KCNH2: variants seen among roughly 807,000 people sequenced by gnomAD.
KCNH2 encodes potassium voltage-gated channel subfamily H member 2.
In KCNH2, 35 loss-of-function variants were observed where a neutral mutation model predicts 95.9. The observed-to-expected ratio is 0.37, with a 90% CI of 0.28 to 0.48. KCNH2 has a LOEUF of 0.48. KCNH2 is among the 20% of genes least tolerant of loss of function. The pLI, the probability that KCNH2 is intolerant of heterozygous loss-of-function variation, is 0.99. For missense variants in KCNH2, 1,274 were observed against 1,702.9 expected (o/e 0.75, Z 4.43); for synonymous variants, 786 against 754.7 (o/e 1.04, Z -0.68).
intron 2 of KCNH2, among the ~76,000 whole-genome samples, chr7:150,972,189 G>A (rs1801857728): frequency 6.6e-6 from 1 of 152,232 alleles, no homozygotes; most frequent in Non-Finnish European, 1.5e-5. Context: ...ACTGCGCAGA[G>A]CAAGGCTAGA....
chr7:150,977,349 C>A (rs1802002688), intron 1 of KCNH2, among the ~76,000 whole-genome samples: 1 of 152,212 alleles, frequency 6.6e-6, no homozygotes, highest in Non-Finnish European at 1.5e-5. Flanking sequence ...ACACGGCACA[C>A]ACAAGAAGAG....
At chr7:150,948,743 G>T in intron 10 of KCNH2, 113 bp downstream of exon 10, 1 of 1,157,828 alleles carries the variant, frequency 8.6e-7, no homozygotes, top group Non-Finnish European at 1.3e-6. Context: ...GATACCATTT[G>T]ACAGACAGGG....
chr7:150,947,499 A>G lies in KCNH2; in HGVS notation c.2981T>C (p.Val994Ala). Residue 994 changes from valine (V) to alanine (A), a missense_variant, in exon 13 of 15, where the codon GTG becomes GCG. Physicochemically the swap from Val to Ala is moderately conservative, Grantham distance 64. Transcript: ENST00000262186. ...CCCCCAGAAGCTGAAAATGTTGGAC[A>G]CTCCTGAGAAGGCGCCTGCAGCCAG... ...CNPLSGAFSG[V>A]SNIFSFWGDS... is the part of the protein sequence containing the mutation. The G allele has an allele frequency of 6.3e-7, 1 of 1,588,806 alleles. No individual in the cohort carries two copies. Among genetic ancestry groups the G allele is most frequent in the Non-Finnish European group, 8.6e-7 (1 of 1,168,680 alleles).
chr7:150,977,970 A>G lies in KCNH2; in HGVS notation c.-57T>C, dbSNP rs1802021325. On this transcript the variant is annotated 5_prime_UTR_variant, in exon 1 of 15. Transcript: ENST00000262186. ...CACCCACCCCGGCCCGGCCCGGCCC[A>G]GCACTAGGCTTCGGGTGGCCCGGCC... 21 of 1,068,488 alleles carry G rather than the reference A, an allele frequency of 2.0e-5. No individual in the cohort carries two copies. The South Asian group carries it at 3.3e-4, about 17-fold the overall frequency. 66.2% of individuals were successfully genotyped at this position (1,068,488 alleles called of 1,614,324 possible).
chr7:150,949,712 C>A, intron 9 of KCNH2: 1 of 1,177,160 alleles, frequency 8.5e-7, no homozygotes. Flanking sequence ...CACCAACCCA[C>A]CCACTGTGCA....
chr7:150,976,739 C>T (rs994690628), intron 1 of KCNH2, among the ~76,000 whole-genome samples: 1 of 151,304 alleles, frequency 6.6e-6, no homozygotes, highest in African/African-American at 2.4e-5. Flanking sequence ...CACCCCCCCC[C>T]ACATCCATCC....
rs527911312 is a variant in KCNH2, at chr7:150,952,674, C to T, written c.1308G>A (p.Thr436=). The change falls in exon 6 of 15, where the codon ACG becomes ACA. Residue 436 remains threonine (T), a synonymous_variant. Coordinates refer to ENST00000262186, the MANE Select transcript of KCNH2 (RefSeq NM_000238.4). The surrounding 1 kb of genome is among the most constrained non-coding windows in gnomAD (Gnocchi z 7.3). The part of the protein sequence containing the change: ...PYSAAFLLKE[T]EEGPPATECG... ...ACTCGGTAGCAGGCGGGCCTTCTTC[C>T]GTCTCCTTCAGCAGGAAGGCAGCCG... 6.8e-6 allele frequency: 11 copies of T among 1,614,168 alleles called. No homozygotes were observed. The highest frequency in any genetic ancestry group is 5.3e-5 in the African/African-American group (4 of 75,030).
At chr7:150,955,864 A>G in intron 5 of KCNH2, 1 of 767,134 alleles carries the variant, frequency 1.3e-6, no homozygotes. Flanking sequence ...CCACCCCGCC[A>G]CACTAGGCTC....
intron 9 of KCNH2, chr7:150,949,920 T>C: frequency 6.7e-7 from 1 of 1,503,270 alleles, no homozygotes; most frequent in Non-Finnish European, 9.0e-7. Context: ...AAGCAAAAAG[T>C]GTCTGTTTGT....
At chr7:150,949,569 A>G (rs1801054352) in intron 9 of KCNH2, 1 of 1,026,674 alleles carries the variant, frequency 9.7e-7, no homozygotes. Context: ...TTGTGTTTGT[A>G]CAGAGCTGAG....
Position 150,961,899 on chromosome 7 carries a change from G to A in KCNH2, c.308-2163C>T, listed in dbSNP as rs922988264. On this transcript the variant is annotated intron_variant, in intron 2 of 14. Coordinates refer to ENST00000262186, the MANE Select transcript of KCNH2 (RefSeq NM_000238.4). This position sits in a 1 kb window ranked among gnomAD's most constrained non-coding sequence, Gnocchi z 6.2. The stretch of plus-strand genomic sequence containing the variant: ...CCGCTGGGGATTCATCTAGGGGAAC[G>A]AGGTCTTCTGAAACCAGCTTAAACA... Among the ~76,000 whole-genome samples, 16 of 152,182 alleles carry A rather than the reference G, an allele frequency of 1.1e-4. No homozygotes were observed. Among genetic ancestry groups the A allele is most frequent in the Non-Finnish European group, 2.9e-5 (2 of 68,036 alleles).
At chr7:150,953,261 G>A (rs1228222153) in intron 5 of KCNH2, among the ~76,000 whole-genome samples, 2 of 152,170 alleles carry the variant, frequency 1.3e-5, no homozygotes, top group Non-Finnish European at 2.9e-5. Flanking sequence ...CTCCCAACCT[G>A]GGCAGTGGCC....
At chr7:150,968,885 T>G (rs1231922926) in intron 2 of KCNH2, among the ~76,000 whole-genome samples, 1 of 152,118 alleles carries the variant, frequency 6.6e-6, no homozygotes, top group Admixed American at 6.5e-5. Flanking sequence ...CTGCAGCCAC[T>G]TAGGTGACGC....
chr7:150,945,900 C>T lies in KCNH2; in HGVS notation c.3331-386G>A, dbSNP rs901238174. On this transcript the variant is annotated intron_variant, in intron 14 of 14. Transcript: ENST00000262186. This position sits in a 1 kb window ranked among gnomAD's most constrained non-coding sequence, Gnocchi z 5.6. ...CAGAAAAAGAGACAAGATTCCTTCCCGCAATCCAGAAAGAACTCGGGGACC... is the reference window on the plus strand; with the variant it reads ...CAGAAAAAGAGACAAGATTCCTTCCTGCAATCCAGAAAGAACTCGGGGACC... Among the ~76,000 whole-genome samples the T allele has an allele frequency of 4.6e-5, 7 of 152,166 alleles. No individual in the cohort carries two copies. Among genetic ancestry groups the T allele is most frequent in the East Asian group, 1.9e-4 (1 of 5,190 alleles).
In KCNH2 at chr7:150,977,826, T is replaced by G; in HGVS notation, c.76+12A>C. ...AGAGCCCCCTCCCCGCTCAGCCCCCTCCCCCACTCACTCTGGCCCTCAAAC... is the reference window on the plus strand; with the variant it reads ...AGAGCCCCCTCCCCGCTCAGCCCCCGCCCCCACTCACTCTGGCCCTCAAAC... On this transcript the variant is annotated intron_variant, in intron 1 of 14. Transcript: ENST00000262186. 2.8e-5 allele frequency: 9 copies of G among 322,858 alleles called. No homozygotes were observed. The highest frequency in any genetic ancestry group is 6.0e-5 in the East Asian group (1 of 16,584). 20.0% of individuals were successfully genotyped at this position (322,858 alleles called of 1,614,324 possible).
intron 2 of KCNH2, among the ~76,000 whole-genome samples, chr7:150,965,820 G>A (rs1801688275): frequency 6.6e-6 from 1 of 152,134 alleles, no homozygotes; most frequent in East Asian, 1.9e-4. Flanking sequence ...CAGGGGTGGT[G>A]ATCTGCAGTC....
intron 3 of KCNH2, 48 bp downstream of exon 3, chr7:150,959,524 A>G (rs766628451): frequency 1.2e-6 from 2 of 1,606,786 alleles, no homozygotes; most frequent in Admixed American, 1.7e-5. Flanking sequence ...AGCCCCAAAG[A>G]AATGAGACCA....
At position 150,947,911 on chromosome 7, in the gene KCNH2, G is replaced by A. The variant is rs1278410098; in HGVS notation, c.2693-33C>T. ...AAACAGAGAATGGGCCTCAGAGAGG[G>A]GAGGAGAACAGAGAGGAGGGGGCGA... On this transcript the variant is annotated intron_variant, in intron 11 of 14. Transcript: ENST00000262186. The A allele has an allele frequency of 2.6e-6, 4 of 1,526,668 alleles. No individual in the cohort carries two copies. The Admixed American group carries it at 8.0e-5, about 31-fold the overall frequency. 94.6% of individuals were successfully genotyped at this position (1,526,668 alleles called of 1,614,324 possible). A position where few individuals can be genotyped will look rare whatever the true frequency, so the allele number is the denominator to read the frequency against.
chr7:150,975,077 C>CT, intron 1 of KCNH2, 136 bp from the exon 2 acceptor site: 1 of 747,662 alleles, frequency 1.3e-6, no homozygotes, highest in Non-Finnish European at 2.1e-6. Context: ...ACTGGGGTCC[C>CT]AGCAGGGGGC....
Sources: gnomAD v4.1 joint callset for allele counts (sites outside exome capture counted in the v4.1 genomes callset) on GRCh38, gnomAD v4.1.1 for gene constraint, Gnocchi (gnomAD v3.1) non-coding constraint, MANE v1.5 for transcripts, NCBI Gene and HGNC (gene_info 2026-07-23, HGNC 2026-07-21) for gene names.